The following NLGN4X variants were observed in gnomAD, a reference collection of about 807,000 sequenced individuals.
NLGN4X encodes neuroligin 4 X-linked, also known as neuroligin-4, X-linked.
NLGN4X carries 3 observed loss-of-function variants against 40.3 expected under a neutral mutation model. The ratio of observed to expected loss-of-function variants is 0.07; its 90% CI spans 0.03 to 0.19. NLGN4X has a LOEUF of 0.19. Among genes scored for constraint, NLGN4X ranks in the 10% least tolerant of loss-of-function variants. NLGN4X has a pLI of 1.00. For synonymous variants in NLGN4X, 270 were observed against 306.8 expected (o/e 0.88, Z 1.25); for missense variants, 382 against 708.3 (o/e 0.54, Z 5.23).
At chrX:5,935,912 C>T (rs1285498529) in intron 3 of NLGN4X, among the ~76,000 whole-genome samples, 1 of 111,743 alleles carries the variant, frequency 8.9e-6, no homozygotes, top group Non-Finnish European at 1.9e-5. Context: ...CTGGTCATGA[C>T]AATTTTGCAG....
At chrX:6,133,615 A>G (rs760584846) in intron 2 of NLGN4X, among the ~76,000 whole-genome samples, 3 of 111,906 alleles carry the variant, frequency 2.7e-5, no homozygotes, top group Non-Finnish European at 5.6e-5. Context: ...TTTTGCCATC[A>G]ATATCACCTC....
At chrX:6,153,879 A>G (rs950863480) in intron 1 of NLGN4X, among the ~76,000 whole-genome samples, 1 of 112,617 alleles carries the variant, frequency 8.9e-6, no homozygotes, top group African/African-American at 3.2e-5. Context: ...ATGAAGCAGC[A>G]GCAACCTAAG....
chrX:5,995,344 A>G (rs190088679), intron 3 of NLGN4X, among the ~76,000 whole-genome samples: 6 of 112,955 alleles, frequency 5.3e-5, no homozygotes, highest in African/African-American at 1.9e-4. Flanking sequence ...TGTTGGTATC[A>G]AAACAGCTAG....
chrX:6,051,609 G>C (rs1468101431), intron 2 of NLGN4X, among the ~76,000 whole-genome samples: 1 of 110,837 alleles, frequency 9.0e-6, no homozygotes, highest in Admixed American at 9.6e-5. Flanking sequence ...TTCTCCCTCG[G>C]AGGCTCCAGA....
At chrX:6,147,333 TATG>T (rs917935002) in intron 2 of NLGN4X, among the ~76,000 whole-genome samples, 1 of 111,954 alleles carries the variant, frequency 8.9e-6, no homozygotes, top group Non-Finnish European at 1.9e-5. Context: ...TTATATTTAA[TATG>T]ATATCTTGTC....
intron 1 of NLGN4X, among the ~76,000 whole-genome samples, chrX:6,217,200 G>GT (rs1286215177): frequency 8.9e-6 from 1 of 111,869 alleles, no homozygotes; most frequent in Non-Finnish European, 1.9e-5. Context: ...ATATGTAAAT[G>GT]TATGTGTATT....
chrX:6,210,598 G>A (rs7357852), intron 1 of NLGN4X, among the ~76,000 whole-genome samples: 19,615 of 111,430 alleles, frequency 0.18, 1,708 homozygotes, highest in African/African-American at 0.34. Context: ...GTCACACAGC[G>A]TTTGCTCCTA....
intron 1 of NLGN4X, among the ~76,000 whole-genome samples, chrX:6,178,913 T>C (rs1174762218): frequency 9.1e-6 from 1 of 110,182 alleles, no homozygotes; most frequent in Non-Finnish European, 1.9e-5. Context: ...CTGAACAACA[T>C]AGGAAAACCG....
At chrX:5,910,829 G>T (rs187181567) in intron 3 of NLGN4X, among the ~76,000 whole-genome samples, 149 of 111,603 alleles carry the variant, frequency 1.3e-3, no homozygotes, top group African/African-American at 4.5e-3. Flanking sequence ...AGGCAGCGTC[G>T]CAACTGCGAG....
chrX:6,082,781 G>C (rs1249977997), intron 2 of NLGN4X, among the ~76,000 whole-genome samples: 1 of 108,693 alleles, frequency 9.2e-6, no homozygotes, highest in African/African-American at 3.4e-5. Flanking sequence ...TGTGCTGAGG[G>C]AACTGTGAGC....
chrX:6,028,019 T>C (rs1461912856), intron 3 of NLGN4X, among the ~76,000 whole-genome samples: 3 of 110,062 alleles, frequency 2.7e-5, no homozygotes, highest in African/African-American at 9.9e-5. Context: ...GTTTCACCAC[T>C]TTGGTCAGGC....
rs186876070 is a variant in NLGN4X, at chrX:6,095,276, A to C, written c.472+55719T>G. 5.5e-3 allele frequency among the ~76,000 whole-genome samples: 606 copies of C among 111,002 alleles called. 7 individuals carry two copies. Among genetic ancestry groups the C allele is most frequent in the African/African-American group, 0.019 (580 of 30,473 alleles). ...TGAAGCATATATGCAATTCTATACT[A>C]TTGCTGATACATGCTTTTATAAAAT... On this transcript the variant is annotated intron_variant, in intron 2 of 5. Coordinates refer to ENST00000381095, the MANE Select transcript of NLGN4X (RefSeq NM_181332.3).
At chrX:6,132,160 T>A (rs889757679) in intron 2 of NLGN4X, among the ~76,000 whole-genome samples, 3 of 111,506 alleles carry the variant, frequency 2.7e-5, no homozygotes, top group Non-Finnish European at 5.7e-5. Context: ...TAGAGCAGGG[T>A]TTCACAACAT....
chrX:6,124,473 G>A (rs182156258), intron 2 of NLGN4X, among the ~76,000 whole-genome samples: 2 of 111,953 alleles, frequency 1.8e-5, no homozygotes, highest in Admixed American at 9.4e-5. Flanking sequence ...CTTGAGGCCA[G>A]GAGTTGGAGA....
intron 3 of NLGN4X, among the ~76,000 whole-genome samples, chrX:6,010,584 A>G (rs1044266816): frequency 6.2e-5 from 6 of 96,703 alleles, no homozygotes; most frequent in Non-Finnish European, 1.1e-4. Context: ...GGTGGAGTGC[A>G]GTGGTACAAT....
intron 1 of NLGN4X, among the ~76,000 whole-genome samples, chrX:6,170,381 G>C (rs142758212): frequency 1.8e-5 from 2 of 112,327 alleles, no homozygotes; most frequent in Non-Finnish European, 3.8e-5. Context: ...ATTGCAGACC[G>C]AGCAAGTCAG....
intron 2 of NLGN4X, among the ~76,000 whole-genome samples, chrX:6,111,621 G>T (rs757980801): frequency 9.0e-6 from 1 of 111,140 alleles, no homozygotes; most frequent in Non-Finnish European, 1.9e-5. Flanking sequence ...TGGCACACAC[G>T]TATGGTCCCA....
intron 2 of NLGN4X, among the ~76,000 whole-genome samples, chrX:6,061,081 C>T (rs1414702816): frequency 9.0e-6 from 1 of 111,542 alleles, no homozygotes; most frequent in Admixed American, 9.6e-5. Flanking sequence ...TACTTCCAAG[C>T]GAAAACCTTA....
chrX:5,946,786 A>T (rs2034137479), intron 3 of NLGN4X, among the ~76,000 whole-genome samples: 1 of 110,986 alleles, frequency 9.0e-6, no homozygotes, highest in African/African-American at 3.3e-5. Context: ...CCCAGGTACT[A>T]AGCCAAGTAC....
Sources: allele counts gnomAD v4.1 joint callset (sites outside exome capture counted in the v4.1 genomes callset), GRCh38; gene constraint gnomAD v4.1.1; transcripts MANE v1.5; gene names NCBI Gene and HGNC (gene_info 2026-07-23, HGNC 2026-07-21).